CRTC3: variants seen among roughly 807,000 people sequenced by gnomAD.
The protein encoded by CRTC3 is CREB regulated transcription coactivator 3, also known as CREB-regulated transcription coactivator 3.
Under a neutral mutation model 74.5 loss-of-function variants are expected in CRTC3, and 26 were observed. The observed-to-expected ratio is 0.35, with a 90% CI of 0.26 to 0.48. CRTC3 has a LOEUF of 0.48. Among genes scored for constraint, CRTC3 ranks in the 20% least tolerant of loss-of-function variants. CRTC3 has a pLI of 0.99. For synonymous variants in CRTC3, 377 were observed against 325.8 expected (o/e 1.16, Z -1.69); for missense variants, 760 against 787.3 (o/e 0.97, Z 0.41).
At chr15:90,602,624 G>A (rs574119846) in intron 4 of CRTC3, among the ~76,000 whole-genome samples, 7 of 149,888 alleles carry the variant, frequency 4.7e-5, no homozygotes, top group Admixed American at 6.7e-5. Flanking sequence ...ATAGCAAGAC[G>A]CCATCTCTTA....
chr15:90,615,928 G>A (rs1201561322), intron 7 of CRTC3, among the ~76,000 whole-genome samples: 4 of 151,402 alleles, frequency 2.6e-5, no homozygotes, highest in East Asian at 1.9e-4. Context: ...GTGTGACCTC[G>A]GCTCACTGCA....
chr15:90,579,741 A>C (rs2151072804), intron 2 of CRTC3, among the ~76,000 whole-genome samples: 1 of 139,430 alleles, frequency 7.2e-6, no homozygotes, highest in East Asian at 2.2e-4. Context: ...TCCTGGGTTT[A>C]AGCAATTCTC....
intron 2 of CRTC3, among the ~76,000 whole-genome samples, chr15:90,546,210 T>C (rs1966844048): frequency 6.6e-6 from 1 of 152,184 alleles, no homozygotes; most frequent in African/African-American, 2.4e-5. Context: ...TATGAGTTAA[T>C]TTTTTTGTGT....
intron 2 of CRTC3, among the ~76,000 whole-genome samples, chr15:90,553,025 T>C (rs1596078596): frequency 6.6e-6 from 1 of 152,278 alleles, no homozygotes; most frequent in African/African-American, 2.4e-5. Context: ...TTAGATGTAA[T>C]GAGGCAGGGC....
chr15:90,601,693 T>A (rs1968075045), intron 3 of CRTC3, among the ~76,000 whole-genome samples: 1 of 151,920 alleles, frequency 6.6e-6, no homozygotes, highest in South Asian at 2.1e-4. Flanking sequence ...CACCTTAACT[T>A]AAAAAAAGAA....
intron 3 of CRTC3, 182 bp downstream of exon 3, chr15:90,593,937 A>T: frequency 1.9e-6 from 1 of 520,212 alleles, no homozygotes; most frequent in Admixed American, 3.8e-5. Context: ...TGGAAACATC[A>T]TTGTAGGTGT....
rs1227015277 is a variant in CRTC3, at chr15:90,644,604, C to G, written c.*2464C>G. 4.3e-6 allele frequency: 1 copy of G among 232,236 alleles called. No homozygotes were observed. The highest frequency in any genetic ancestry group is 2.2e-5 in the African/African-American group (1 of 45,258). The allele number at this position is 232,236 out of a possible 1,614,324, so 14.4% of individuals were successfully genotyped here. A position where few individuals can be genotyped will look rare whatever the true frequency, so the allele number is the denominator to read the frequency against. On this transcript the variant is annotated 3_prime_UTR_variant, in exon 15 of 15. Coordinates refer to ENST00000268184, the MANE Select transcript of CRTC3 (RefSeq NM_022769.5). ...ACACTGGGGGCAATATGGTTTAGCA[C>G]TGAATTCAATTTGTCCTTAGGTCTA...
chr15:90,535,239 T>G lies in CRTC3; in HGVS notation c.133-4800T>G, dbSNP rs186385814. Among the ~76,000 whole-genome samples the G allele has an allele frequency of 4.4e-4, 67 of 151,456 alleles. 1 individual carries two copies. Among genetic ancestry groups the G allele is most frequent in the African/African-American group, 1.6e-3 (66 of 41,238 alleles). ...CAAAGGAACTAAGGAACTACACCATTTGAAAGGGAGGTGGAGGAGCTGGCC... is the reference window on the plus strand; with the variant it reads ...CAAAGGAACTAAGGAACTACACCATGTGAAAGGGAGGTGGAGGAGCTGGCC... On this transcript the variant is annotated intron_variant, in intron 1 of 14. Transcript: ENST00000268184.
intron 9 of CRTC3, among the ~76,000 whole-genome samples, chr15:90,621,796 G>T (rs1968661008): frequency 6.6e-6 from 1 of 152,166 alleles, no homozygotes; most frequent in East Asian, 1.9e-4. Context: ...TTGCTTTCTT[G>T]CTCTTACTTT....
At chr15:90,605,541 G>C (rs986098850) in intron 5 of CRTC3, among the ~76,000 whole-genome samples, 2 of 152,200 alleles carry the variant, frequency 1.3e-5, no homozygotes, top group African/African-American at 4.8e-5. Flanking sequence ...TTCAATGCCT[G>C]GTCGGTATTT....
rs145024567 is a variant in CRTC3, at chr15:90,604,420, G to A, written c.449G>A (p.Gly150Glu). 3.0e-4 allele frequency: 485 copies of A among 1,613,936 alleles called. No individual in the cohort carries two copies. The highest frequency in any genetic ancestry group is 2.6e-3 in the African/African-American group (195 of 75,000). Residue 150 changes from glycine to glutamate, a missense_variant, in exon 5 of 15, where the codon GGG becomes GAG. Physicochemically the swap from Gly to Glu is moderately conservative, Grantham distance 98. Coordinates refer to ENST00000268184, the MANE Select transcript of CRTC3 (RefSeq NM_022769.5). ...CCTTGGAAAGACGAAAAGCATCCTG[G>A]GTTCAGGCTGACATCTGCACTTAAC... The part of the protein sequence containing the change: ...QPPWKDEKHP[G>E]FRLTSALNRT...
chr15:90,616,793 A>G (rs540779759), intron 7 of CRTC3, among the ~76,000 whole-genome samples: 2 of 152,200 alleles, frequency 1.3e-5, no homozygotes, highest in African/African-American at 4.8e-5. Flanking sequence ...TGGTCCCTTT[A>G]TACAGGTTGT....
chr15:90,638,407 G>T (rs375093671), intron 11 of CRTC3, 39 bp from the exon 12 acceptor site: 2 of 1,571,426 alleles, frequency 1.3e-6, no homozygotes, highest in Non-Finnish European at 1.8e-6. Flanking sequence ...CGCCAGAAAC[G>T]CAGAAGCTCA....
At chr15:90,608,694 C>G (rs538286625) in intron 6 of CRTC3, among the ~76,000 whole-genome samples, 2 of 152,198 alleles carry the variant, frequency 1.3e-5, no homozygotes, top group Non-Finnish European at 2.9e-5. Flanking sequence ...GTCTTGTTCT[C>G]TCCAGCCCCT....
chr15:90,597,017 G>C (rs192895642), intron 3 of CRTC3, among the ~76,000 whole-genome samples: 1 of 152,220 alleles, frequency 6.6e-6, no homozygotes. Flanking sequence ...GCCACAGCAC[G>C]CAGAGCTCTG....
Position 90,638,460 on chromosome 15 carries a change from C to T in CRTC3, c.1281C>T (p.Asp427=). ...TTGTTTTGCAGATGGTGTCCTCAGA[C>T]CGAAGCCAACTTTCCTTTCTGCCCA... ...PYPTSQMVSS[D]RSQLSFLPTE... Residue 427 remains aspartate, a synonymous_variant, in exon 12 of 15, where the codon GAC becomes GAT. Coordinates refer to ENST00000268184, the MANE Select transcript of CRTC3 (RefSeq NM_022769.5). 6.2e-7 allele frequency: 1 copy of T among 1,614,092 alleles called. No homozygotes were observed. Among genetic ancestry groups the T allele is most frequent in the Non-Finnish European group, 8.5e-7 (1 of 1,180,002 alleles).
chr15:90,633,066 C>T (rs911200160), intron 11 of CRTC3, among the ~76,000 whole-genome samples: 6 of 152,194 alleles, frequency 3.9e-5, no homozygotes, highest in African/African-American at 1.2e-4. Context: ...TTCCTACCCA[C>T]CCTCCTCATT....
chr15:90,598,565 C>A (rs951474749), intron 3 of CRTC3: 8 of 701,278 alleles, frequency 1.1e-5, no homozygotes, highest in Non-Finnish European at 2.1e-5. Context: ...TGGGATGACT[C>A]TGAGATCCTA....
At chr15:90,583,546 C>G (rs567800574) in intron 2 of CRTC3, among the ~76,000 whole-genome samples, 8 of 152,302 alleles carry the variant, frequency 5.3e-5, no homozygotes, top group Non-Finnish European at 1.0e-4. Flanking sequence ...AAACAAAAAA[C>G]CCATCTAGGT....
Sources: gnomAD v4.1 joint callset for allele counts (sites outside exome capture counted in the v4.1 genomes callset) on GRCh38, gnomAD v4.1.1 for gene constraint, MANE v1.5 for transcripts, NCBI Gene and HGNC (gene_info 2026-07-23, HGNC 2026-07-21) for gene names.